Variants in RIPOR3 observed in about 807,000 individuals in gnomAD.
The protein encoded by RIPOR3 is family with sequence similarity 65 member C.
RIPOR3 carries 95 observed loss-of-function variants against 114.3 expected under a neutral mutation model. That is an observed-to-expected ratio of 0.83 (90% CI 0.70 to 0.99). The LOEUF is 0.99. RIPOR3 is among the 50% of genes least tolerant of loss of function. RIPOR3 has a pLI of 0.00. For missense variants in RIPOR3, 1,252 were observed against 1,266.9 expected, an observed-to-expected ratio of 0.99 and a Z score of 0.18; for synonymous variants, 575 against 543.8, an observed-to-expected ratio of 1.06 and a Z score of -0.80.
intron 6 of RIPOR3, among the ~76,000 whole-genome samples, chr20:50,610,043 G>A (rs112535561): frequency 3.4e-4 from 30 of 87,308 alleles, no homozygotes; most frequent in Non-Finnish European, 4.9e-4. Flanking sequence ...TGCCACCCCT[G>A]CCTCCCCTGC....
At chr20:50,599,636 A>G (rs2083427805) in intron 13 of RIPOR3, among the ~76,000 whole-genome samples, 1 of 152,164 alleles carries the variant, frequency 6.6e-6, no homozygotes, top group Admixed American at 6.5e-5. Flanking sequence ...TAAATAGACC[A>G]TGAGGACACT....
At chr20:50,593,753 G>C (rs1430181027) in intron 17 of RIPOR3, among the ~76,000 whole-genome samples, 1 of 152,118 alleles carries the variant, frequency 6.6e-6, no homozygotes, top group Non-Finnish European at 1.5e-5. Flanking sequence ...CAAAATCCCG[G>C]AGGCAGGGCC....
At chr20:50,656,834 A>G (rs1272741067) in intron 1 of RIPOR3, among the ~76,000 whole-genome samples, 1 of 152,178 alleles carries the variant, frequency 6.6e-6, no homozygotes, top group Non-Finnish European at 1.5e-5. Context: ...AAAATAGTCC[A>G]TTGGGGGCCC....
chr20:50,668,423 T>C (rs1568948806), intron 1 of RIPOR3, among the ~76,000 whole-genome samples: 1 of 152,174 alleles, frequency 6.6e-6, no homozygotes, highest in African/African-American at 2.4e-5. Context: ...CTCAGTCCCA[T>C]GAACAGGCAA....
chr20:50,644,843 TA>T (rs1286772985), intron 1 of RIPOR3, among the ~76,000 whole-genome samples: 16 of 106,198 alleles, frequency 1.5e-4, no homozygotes, highest in African/African-American at 6.1e-4. Flanking sequence ...TTTTATTTTT[TA>T]TTTTTTTTTT....
chr20:50,643,126 T>TTC (rs1409929750), intron 1 of RIPOR3, among the ~76,000 whole-genome samples: 1 of 103,964 alleles, frequency 9.6e-6, no homozygotes, highest in East Asian at 3.4e-4. Flanking sequence ...TCTCAGCACT[T>TTC]TTTTTTTTTT....
At chr20:50,643,706 C>CTT (rs71190582) in intron 1 of RIPOR3, among the ~76,000 whole-genome samples, 1 of 134,928 alleles carries the variant, frequency 7.4e-6, no homozygotes. Context: ...TTCTTTCTTT[C>CTT]TTTTTTTTTT....
chr20:50,604,527 G>A (rs894503954), intron 12 of RIPOR3, 118 bp downstream of exon 12: 18 of 1,401,280 alleles, frequency 1.3e-5, no homozygotes, highest in Non-Finnish European at 1.7e-5. Flanking sequence ...CGCCTCAAAC[G>A]GAAGCTGAGC....
chr20:50,622,650 A>AAC (rs151053134), intron 2 of RIPOR3, among the ~76,000 whole-genome samples: 9,935 of 151,992 alleles, frequency 0.065, 337 homozygotes, highest in South Asian at 0.097. Flanking sequence ...CAGACCTCCC[A>AAC]ACACACACAC....
chr20:50,619,969 A>G lies in RIPOR3; in HGVS notation c.269+17T>C. The G allele has an allele frequency of 6.2e-7, 1 of 1,605,580 alleles. No homozygotes were observed. Among genetic ancestry groups the G allele is most frequent in the East Asian group, 2.2e-5 (1 of 44,614 alleles). On this transcript the variant is annotated intron_variant, in intron 3 of 21. Transcript: ENST00000327979. ...GAGGAATGCACTTCTTAAAGGCAGCACACAGCCCAGCCTTACTTGAGGCCT... is the reference window on the plus strand; with the variant it reads ...GAGGAATGCACTTCTTAAAGGCAGCGCACAGCCCAGCCTTACTTGAGGCCT...
chr20:50,679,631 T>C (rs1259092757), intron 1 of RIPOR3, among the ~76,000 whole-genome samples: 1 of 145,220 alleles, frequency 6.9e-6, no homozygotes, highest in African/African-American at 2.5e-5. Flanking sequence ...TAGCCGGGCG[T>C]GGTGGCGCTC....
chr20:50,616,602 C>T (rs900305803), intron 3 of RIPOR3, among the ~76,000 whole-genome samples: 5 of 152,040 alleles, frequency 3.3e-5, no homozygotes, highest in East Asian at 3.9e-4. Context: ...CCTTGGCCTC[C>T]GAAAGTGCTG....
chr20:50,608,951 C>A lies in RIPOR3; in HGVS notation c.645G>T (p.Leu215Phe). 2 of 1,581,056 alleles carry A rather than the reference C, an allele frequency of 1.3e-6. No individual in the cohort carries two copies. The highest frequency in any genetic ancestry group is 2.3e-5 in the East Asian group (1 of 43,534). The change falls in exon 9 of 22, where the codon TTG becomes TTT. Residue 215 changes from leucine (L) to phenylalanine (F), a missense_variant. Coordinates refer to ENST00000327979, the MANE Select transcript of RIPOR3 (RefSeq NM_001290268.2). ...CGGGACAGAGGCGTGCGTAGCCCAC[C>A]AAGCCTGGAACACAGACATGGCCGG... ...LGEFHIRMKG[L>F]VGYARLCPGD...
intron 1 of RIPOR3, chr20:50,659,968 G>A (rs2085942309): frequency 6.6e-6 from 1 of 152,216 alleles, no homozygotes; most frequent in African/African-American, 2.4e-5. Context: ...ACGAACATGA[G>A]TTCAGATACA....
At chr20:50,608,787 T>C in intron 9 of RIPOR3, 49 bp from the exon 10 acceptor site, 1 of 1,612,608 alleles carries the variant, frequency 6.2e-7, no homozygotes, top group Non-Finnish European at 8.5e-7. Context: ...GGGTGTCCCC[T>C]TGCTGTCCGC....
intron 1 of RIPOR3, among the ~76,000 whole-genome samples, chr20:50,679,711 G>A (rs538643121): frequency 1.3e-5 from 2 of 151,084 alleles, no homozygotes; most frequent in East Asian, 3.9e-4. Flanking sequence ...AGAGGTTGCA[G>A]TGAGCCGAGA....
At chr20:50,604,602 C>T (rs368009667) in intron 12 of RIPOR3, 43 bp downstream of exon 12, 15 of 1,570,904 alleles carry the variant, frequency 9.5e-6, no homozygotes, top group Non-Finnish European at 1.2e-5. Flanking sequence ...TGCCCCCATC[C>T]CAGGGTGACC....
At chr20:50,596,285 G>C in intron 14 of RIPOR3, 22 bp from the exon 15 acceptor site, 2 of 1,613,992 alleles carry the variant, frequency 1.2e-6, no homozygotes, top group Non-Finnish European at 8.5e-7. Flanking sequence ...TGAGAACTGG[G>C]TGACCATTCC....
Position 50,591,115 on chromosome 20 carries a change from G to A in RIPOR3, c.2577+1229C>T, listed in dbSNP as rs540799945. On this transcript the variant is annotated intron_variant, in intron 19 of 21. Coordinates refer to ENST00000327979, the MANE Select transcript of RIPOR3 (RefSeq NM_001290268.2). Reference sequence around the variant, plus strand: ...ATTAATTGCAAGCAGAGAAAGAAACGGGGAAAAAAACCTTTAGATTGATTG... The same window carrying A: ...ATTAATTGCAAGCAGAGAAAGAAACAGGGAAAAAAACCTTTAGATTGATTG... Among the ~76,000 whole-genome samples the A allele has an allele frequency of 1.8e-4, 28 of 152,156 alleles. No homozygotes were observed. The South Asian group carries it at 5.2e-3, about 28-fold the overall frequency.
Sources: gnomAD v4.1 joint callset for allele counts (sites outside exome capture counted in the v4.1 genomes callset) on GRCh38, gnomAD v4.1.1 for gene constraint, MANE v1.5 for transcripts, NCBI Gene and HGNC (gene_info 2026-07-23, HGNC 2026-07-21) for gene names.